LRP1B: variants seen among roughly 807,000 people sequenced by gnomAD.
LRP1B encodes low-density lipoprotein receptor-related protein 1B.
In LRP1B, 217 loss-of-function variants were observed where a neutral mutation model predicts 556.6. That is an observed-to-expected ratio of 0.39 (90% CI 0.35 to 0.44). LRP1B has a LOEUF of 0.44. Among genes scored for constraint, LRP1B ranks in the 20% least tolerant of loss-of-function variants. The probability of loss-of-function intolerance (pLI) is 1.00; values close to 1 mark genes in which losing one functional copy is unlikely to be tolerated. For synonymous variants in LRP1B, 2,047 were observed against 1,865.8 expected (o/e 1.10, Z -2.50); for missense variants, 5,053 against 5,620.8 (o/e 0.90, Z 3.23).
intron 82 of LRP1B, among the ~76,000 whole-genome samples, chr2:140,315,596 G>A (rs1360806573): frequency 2.6e-5 from 4 of 152,014 alleles, no homozygotes; most frequent in Non-Finnish European, 2.9e-5. Context: ...ATTTTTTGTA[G>A]AGACAGGTTC....
intron 82 of LRP1B, among the ~76,000 whole-genome samples, chr2:140,319,516 A>T (rs547125040): frequency 6.6e-6 from 1 of 152,266 alleles, no homozygotes; most frequent in African/African-American, 2.4e-5. Context: ...GGAATATAAC[A>T]CAGGAACAGA....
At chr2:141,600,005 A>G (rs375072825) in intron 2 of LRP1B, among the ~76,000 whole-genome samples, 22 of 152,206 alleles carry the variant, frequency 1.4e-4, no homozygotes, top group African/African-American at 5.1e-4. Context: ...CCTTAGTGGC[A>G]GTTTTCTCAT....
intron 66 of LRP1B, among the ~76,000 whole-genome samples, chr2:140,415,227 T>C (rs1685139141): frequency 6.7e-6 from 1 of 149,934 alleles, no homozygotes; most frequent in African/African-American, 2.4e-5. Flanking sequence ...TAGACTCTTA[T>C]CAGTAGTTCT....
intron 3 of LRP1B, among the ~76,000 whole-genome samples, chr2:141,324,113 A>G (rs1559005604): frequency 2.4e-5 from 3 of 126,162 alleles, no homozygotes; most frequent in Non-Finnish European, 5.3e-5. Context: ...GAACAAAGAA[A>G]TCACACACAC....
intron 7 of LRP1B, among the ~76,000 whole-genome samples, chr2:141,174,741 A>G (rs1714258): frequency 6.6e-6 from 1 of 152,084 alleles, no homozygotes; most frequent in South Asian, 2.1e-4. Context: ...ACAAAGATAT[A>G]TGAAAATGTG....
chr2:140,954,896 C>G (rs1050222796), intron 18 of LRP1B, among the ~76,000 whole-genome samples: 13 of 151,900 alleles, frequency 8.6e-5, no homozygotes, highest in African/African-American at 2.9e-4. Flanking sequence ...ACATTGGGAA[C>G]TAGAATAAGG....
At chr2:140,462,857 G>A (rs1404890853) in intron 60 of LRP1B, among the ~76,000 whole-genome samples, 1 of 152,164 alleles carries the variant, frequency 6.6e-6, no homozygotes, top group Non-Finnish European at 1.5e-5. Flanking sequence ...AACACCATCT[G>A]TCTTCAGAAG....
At chr2:141,615,260 C>T (rs1688251181) in intron 2 of LRP1B, among the ~76,000 whole-genome samples, 1 of 152,140 alleles carries the variant, frequency 6.6e-6, no homozygotes, top group South Asian at 2.1e-4. Context: ...CTCTTTGCTG[C>T]TTATAGTAAA....
At position 140,501,615 on chromosome 2, in the gene LRP1B, T is replaced by G. The variant is rs1689191192; in HGVS notation, c.8850+72A>C. On this transcript the variant is annotated intron_variant, in intron 55 of 90. Coordinates refer to ENST00000389484, the MANE Select transcript of LRP1B (RefSeq NM_018557.3). ...ATGGCTTTTAACTTTTTCATCTATA[T>G]TGGATTAAATAGCTTTCTTAACCTC... is the stretch of plus-strand genomic sequence containing the variant. 3.5e-6 allele frequency: 4 copies of G among 1,134,690 alleles called. No individual in the cohort carries two copies. In the East Asian group the frequency reaches 1.0e-4, roughly 29 times the overall value. The allele number at this position is 1,134,690 out of a possible 1,614,324, so 70.3% of individuals were successfully genotyped here.
chr2:141,296,290 C>A lies in LRP1B; in HGVS notation c.344-41649G>T, dbSNP rs538016756. Among the ~76,000 whole-genome samples the A allele has an allele frequency of 3.9e-5, 6 of 152,172 alleles. No individual in the cohort carries two copies. In the East Asian group the frequency reaches 7.7e-4, roughly 20 times the overall value. On this transcript the variant is annotated intron_variant, in intron 3 of 90. Transcript: ENST00000389484. ...AAATGCATTCAGTATTTAAATAATA[C>A]CAGACTAGCTTATTCAATATCTGTT... is the stretch of plus-strand genomic sequence containing the variant.
At chr2:141,489,852 A>G (rs1683265080) in intron 2 of LRP1B, among the ~76,000 whole-genome samples, 1 of 152,178 alleles carries the variant, frequency 6.6e-6, no homozygotes, top group South Asian at 2.1e-4. Context: ...ACACTTGAGG[A>G]TGCAAGAATA....
At chr2:142,051,697 G>A (rs922599095) in intron 1 of LRP1B, among the ~76,000 whole-genome samples, 3 of 151,998 alleles carry the variant, frequency 2.0e-5, no homozygotes, top group South Asian at 2.1e-4. Flanking sequence ...GGCTGGTCTC[G>A]AACTCTTGAC....
At chr2:141,500,257 G>A (rs1481058423) in intron 2 of LRP1B, among the ~76,000 whole-genome samples, 1 of 151,978 alleles carries the variant, frequency 6.6e-6, no homozygotes, top group Non-Finnish European at 1.5e-5. Flanking sequence ...AAATCCCTTT[G>A]CTTTGTCTTG....
intron 20 of LRP1B, among the ~76,000 whole-genome samples, chr2:140,933,826 T>C (rs1695123161): frequency 6.6e-6 from 1 of 152,080 alleles, no homozygotes; most frequent in African/African-American, 2.4e-5. Flanking sequence ...ATTTTCATGA[T>C]AAGCACATTG....
intron 3 of LRP1B, among the ~76,000 whole-genome samples, chr2:141,474,017 T>G (rs62166297): frequency 6.9e-6 from 1 of 145,382 alleles, no homozygotes; most frequent in Non-Finnish European, 1.5e-5. Context: ...CCTTCCTTCC[T>G]TCCTTCCTTC....
intron 1 of LRP1B, among the ~76,000 whole-genome samples, chr2:141,965,762 T>C (rs1444062492): frequency 1.9e-5 from 2 of 104,918 alleles, no homozygotes; most frequent in African/African-American, 7.3e-5. Context: ...AAAATAATAA[T>C]AATAGTAATA....
In LRP1B at chr2:140,375,307, C is replaced by G. The variant is rs142696015; in HGVS notation, c.10639-2170G>C. ...AGTTTGTTGTTGTGCACTTTGTACA[C>G]TCTCTTAATAATCTCAGATGTTAGC... On this transcript the variant is annotated intron_variant, in intron 68 of 90. Transcript: ENST00000389484. 1.7e-3 allele frequency among the ~76,000 whole-genome samples: 251 copies of G among 150,416 alleles called. 4 individuals carry two copies. The East Asian group carries it at 0.044, about 26-fold the overall frequency.
At chr2:142,084,702 A>G (rs1448447241) in intron 1 of LRP1B, among the ~76,000 whole-genome samples, 2 of 152,142 alleles carry the variant, frequency 1.3e-5, no homozygotes, top group Non-Finnish European at 2.9e-5. Context: ...CATTTATCCT[A>G]GGATTACTGT....
rs187836339 is a variant in LRP1B at position 140,231,988 on chromosome 2, G to T, written c.*1198C>A. The stretch of plus-strand genomic sequence containing the variant: ...GATAAACAAACCAAACGTGAATGGG[G>T]TCCATGCGTTCTGTAAAACCCAGAG... On this transcript the variant is annotated 3_prime_UTR_variant, in exon 91 of 91. Coordinates refer to ENST00000389484, the MANE Select transcript of LRP1B (RefSeq NM_018557.3). 52 of 151,632 alleles carry T rather than the reference G, an allele frequency of 3.4e-4. No individual in the cohort carries two copies. Among genetic ancestry groups the T allele is most frequent in the Non-Finnish European group, 1.5e-5 (1 of 67,514 alleles). 9.4% of individuals were successfully genotyped at this position (151,632 alleles called of 1,614,324 possible).
Sources: gnomAD v4.1 joint callset for allele counts (sites outside exome capture counted in the v4.1 genomes callset) on GRCh38, gnomAD v4.1.1 for gene constraint, MANE v1.5 for transcripts, NCBI Gene and HGNC (gene_info 2026-07-23, HGNC 2026-07-21) for gene names.